RARS2: variants seen among roughly 807,000 people sequenced by gnomAD.
RARS2 encodes probable arginine--tRNA ligase, mitochondrial.
A neutral mutation model predicts 88.5 loss-of-function variants in RARS2; 67 were observed. That is an observed-to-expected ratio of 0.76 (90% CI 0.62 to 0.93). The LOEUF (loss-of-function observed/expected upper bound fraction) is 0.93. Among genes scored for constraint, RARS2 ranks in the 40% least tolerant of loss-of-function variants. RARS2 has a pLI of 0.00. For missense variants in RARS2, 664 were observed against 684.2 expected (o/e 0.97, Z 0.33); for synonymous variants, 239 against 230.3 (o/e 1.04, Z -0.34).
At chr6:87,574,736 T>A (rs926418649) in intron 1 of RARS2, among the ~76,000 whole-genome samples, 3 of 152,078 alleles carry the variant, frequency 2.0e-5, no homozygotes, top group African/African-American at 7.2e-5. Context: ...ACTGAGAATG[T>A]GAATAAAATA....
intron 1 of RARS2, among the ~76,000 whole-genome samples, chr6:87,575,247 AC>A (rs1357837593): frequency 2.1e-5 from 3 of 144,976 alleles, no homozygotes; most frequent in Non-Finnish European, 4.5e-5. Flanking sequence ...ACACACACAC[AC>A]ACACACACAC....
intron 4 of RARS2, among the ~76,000 whole-genome samples, chr6:87,556,747 G>A (rs547821816): frequency 8.9e-4 from 127 of 142,662 alleles, no homozygotes; most frequent in African/African-American, 3.1e-3. Flanking sequence ...AGCCGAGATC[G>A]CGCCACTGCA....
chr6:87,565,680 T>C (rs1365670358), intron 2 of RARS2, among the ~76,000 whole-genome samples: 1 of 152,204 alleles, frequency 6.6e-6, no homozygotes, highest in Non-Finnish European at 1.5e-5. Flanking sequence ...TTTGAAATAG[T>C]TCAAGGTGCA....
chr6:87,550,763 C>G (rs1483097212), intron 5 of RARS2, among the ~76,000 whole-genome samples: 2 of 145,638 alleles, frequency 1.4e-5, no homozygotes, highest in Admixed American at 6.8e-5. Flanking sequence ...AATAAGCCAG[C>G]CCTGGATGCA....
chr6:87,518,027 A>G, intron 17 of RARS2, 142 bp downstream of exon 17: 2 of 1,502,404 alleles, frequency 1.3e-6, no homozygotes, highest in Non-Finnish European at 1.8e-6. Context: ...AATGCAAATA[A>G]TCACTTTTTA....
Position 87,569,503 on chromosome 6 carries a change from G to A in RARS2, c.110+14C>T. On this transcript the variant is annotated intron_variant, in intron 2 of 19. Transcript: ENST00000369536. ...CAACATTTTATAGATTGTTACAAGT[G>A]TATTATACTTAACTCTTTTTGGGAA... is the stretch of plus-strand genomic sequence containing the variant. 6.4e-7 allele frequency: 1 copy of A among 1,557,764 alleles called. No homozygotes were observed. Among genetic ancestry groups the A allele is most frequent in the Non-Finnish European group, 8.9e-7 (1 of 1,129,116 alleles).
At chr6:87,546,634 T>C (rs537275862) in intron 6 of RARS2, among the ~76,000 whole-genome samples, 16 of 152,216 alleles carry the variant, frequency 1.1e-4, no homozygotes, top group Non-Finnish European at 2.1e-4. Context: ...CAAGGTTCCA[T>C]AGTGCAGTTT....
intron 8 of RARS2, among the ~76,000 whole-genome samples, chr6:87,533,523 T>C (rs548996075): frequency 1.3e-5 from 2 of 152,322 alleles, no homozygotes; most frequent in African/African-American, 4.8e-5. Flanking sequence ...AAAAAGGCAA[T>C]TTTAAATTTG....
At chr6:87,537,519 TTTATATTCCACAAA>T (rs1449295049) in intron 8 of RARS2, among the ~76,000 whole-genome samples, 1 of 152,158 alleles carries the variant, frequency 6.6e-6, no homozygotes, top group Non-Finnish European at 1.5e-5. Context: ...AACAATACAT[TTTATATTCCACAAA>T]TTATATATAA....
chr6:87,561,860 T>C (rs1338509772), intron 4 of RARS2, among the ~76,000 whole-genome samples: 9 of 152,214 alleles, frequency 5.9e-5, no homozygotes, highest in African/African-American at 7.2e-5. Context: ...TCAATGTCAA[T>C]TGAGAAGGAT....
At chr6:87,555,619 T>TTCTCAG in intron 4 of RARS2, 114 bp from the exon 5 acceptor site, 1 of 811,558 alleles carries the variant, frequency 1.2e-6, no homozygotes, top group Non-Finnish European at 2.0e-6. Flanking sequence ...GAACTGAGAA[T>TTCTCAG]TTCTTAGCAT....
chr6:87,538,339 C>T (rs1025637097), intron 8 of RARS2, among the ~76,000 whole-genome samples: 3 of 152,124 alleles, frequency 2.0e-5, no homozygotes, highest in African/African-American at 4.8e-5. Context: ...CATTATTATT[C>T]GACTTTTTAG....
intron 1 of RARS2, among the ~76,000 whole-genome samples, chr6:87,581,946 G>A (rs1233581772): frequency 2.0e-5 from 3 of 151,990 alleles, no homozygotes; most frequent in African/African-American, 7.3e-5. Context: ...TCCTTTTTAC[G>A]GTTGCACAGT....
At position 87,589,981 on chromosome 6, in the gene RARS2, G is replaced by A. The variant is rs750578807; in HGVS notation, c.-24C>T. ...ATGTCCACCTCTACGGAAGTGCGCC[G>A]CAGTCCGCCAGTTCCGGCCTCGCCC... On this transcript the variant is annotated 5_prime_UTR_variant, in exon 1 of 20. Coordinates refer to ENST00000369536, the MANE Select transcript of RARS2 (RefSeq NM_020320.5). 8 of 1,614,066 alleles carry A rather than the reference G, an allele frequency of 5.0e-6. No individual in the cohort carries two copies. The highest frequency in any genetic ancestry group is 4.2e-6 in the Non-Finnish European group (5 of 1,180,040).
intron 7 of RARS2, among the ~76,000 whole-genome samples, chr6:87,542,969 TAAA>T (rs56220766): frequency 1.4e-5 from 2 of 140,636 alleles, no homozygotes; most frequent in Non-Finnish European, 3.1e-5. Flanking sequence ...TATAAAATAA[TAAA>T]AAAAAAAAAG....
intron 1 of RARS2, among the ~76,000 whole-genome samples, chr6:87,582,877 A>T (rs1265300700): frequency 6.6e-6 from 1 of 152,234 alleles, no homozygotes; most frequent in African/African-American, 2.4e-5. Context: ...TCCTCTATCA[A>T]GCTATGCAGA....
intron 5 of RARS2, among the ~76,000 whole-genome samples, chr6:87,552,648 G>A (rs1237157781): frequency 6.6e-6 from 1 of 152,122 alleles, no homozygotes; most frequent in Non-Finnish European, 1.5e-5. Flanking sequence ...AAAAGGAGCA[G>A]TATATGGGAA....
intron 2 of RARS2, among the ~76,000 whole-genome samples, chr6:87,568,826 G>A (rs1396200951): frequency 6.6e-6 from 1 of 152,156 alleles, no homozygotes; most frequent in Non-Finnish European, 1.5e-5. Flanking sequence ...GAATGGTACT[G>A]GTAATTATAT....
chr6:87,564,951 G>A (rs932642779), intron 2 of RARS2, among the ~76,000 whole-genome samples: 2 of 151,916 alleles, frequency 1.3e-5, no homozygotes, highest in East Asian at 1.9e-4. Context: ...CCAGCTACTC[G>A]GGAGGCTTAG....
Sources: gnomAD v4.1 joint callset for allele counts (sites outside exome capture counted in the v4.1 genomes callset) on GRCh38, gnomAD v4.1.1 for gene constraint, MANE v1.5 for transcripts, NCBI Gene and HGNC (gene_info 2026-07-23, HGNC 2026-07-21) for gene names.